The following GLCCI1 variants were observed in gnomAD, a reference collection of about 807,000 sequenced individuals.
The protein encoded by GLCCI1 is glucocorticoid-induced transcript 1 protein.
GLCCI1 carries 24 observed loss-of-function variants against 52.2 expected under a neutral mutation model. The observed-to-expected ratio is 0.46, with a 90% confidence interval of 0.33 to 0.65. The LOEUF (loss-of-function observed/expected upper bound fraction) is 0.65, where lower values mean the gene tolerates loss of function less well. Among genes scored for constraint, GLCCI1 ranks in the 30% least tolerant of loss-of-function variants. The probability of loss-of-function intolerance (pLI) is 0.02; values close to 1 mark genes in which losing one functional copy is unlikely to be tolerated. For synonymous variants in GLCCI1, 310 were observed against 276.5 expected, an observed-to-expected ratio of 1.12 and a Z score of -1.20; for missense variants, 704 against 701.5, an observed-to-expected ratio of 1.00 and a Z score of -0.04.
intron 2 of GLCCI1, among the ~76,000 whole-genome samples, chr7:8,008,427 G>C (rs1781199930): frequency 1.3e-5 from 2 of 151,764 alleles, no homozygotes; most frequent in African/African-American, 4.8e-5. Context: ...CTGGGAATTA[G>C]CTGGGACTAC....
intron 1 of GLCCI1, chr7:7,981,083 T>C (rs771538166): frequency 1.3e-5 from 6 of 470,986 alleles, no homozygotes; most frequent in Non-Finnish European, 2.1e-5. Flanking sequence ...GTGGGAGACC[T>C]ACCTGATGCA....
chr7:8,036,790 A>G (rs1781877626), intron 3 of GLCCI1, among the ~76,000 whole-genome samples: 2 of 152,210 alleles, frequency 1.3e-5, no homozygotes, highest in Admixed American at 1.3e-4. Context: ...AGACTAAACC[A>G]ATGAGAAGAA....
chr7:8,038,305 T>G (rs748976117), intron 3 of GLCCI1, among the ~76,000 whole-genome samples: 1 of 152,108 alleles, frequency 6.6e-6, no homozygotes, highest in Admixed American at 6.5e-5. Flanking sequence ...GCCCAAATGG[T>G]GAAAGCAGTC....
chr7:7,991,686 T>A (rs1372446658), intron 1 of GLCCI1, among the ~76,000 whole-genome samples: 15 of 152,220 alleles, frequency 9.9e-5, no homozygotes, highest in Non-Finnish European at 2.9e-5. Context: ...AAGGAGAAGA[T>A]CTTCCTCAAG....
intron 6 of GLCCI1, among the ~76,000 whole-genome samples, chr7:8,080,867 G>T (rs1377662861): frequency 2.0e-5 from 3 of 147,624 alleles, no homozygotes; most frequent in South Asian, 2.1e-4. Context: ...TGTAGAGAGG[G>T]TTTCCCCATG....
chr7:8,065,354 G>A (rs771253586), intron 5 of GLCCI1, among the ~76,000 whole-genome samples: 4 of 152,160 alleles, frequency 2.6e-5, no homozygotes, highest in African/African-American at 9.7e-5. Context: ...TAAAACCAGG[G>A]ATCATGTGCC....
chr7:8,018,645 A>T (rs1217647386), intron 2 of GLCCI1, among the ~76,000 whole-genome samples: 1 of 152,160 alleles, frequency 6.6e-6, no homozygotes, highest in Non-Finnish European at 1.5e-5. Context: ...GGGAGTGAGA[A>T]TAGAAAAGGA....
At chr7:8,052,511 G>C (rs907698618) in intron 3 of GLCCI1, among the ~76,000 whole-genome samples, 1 of 152,162 alleles carries the variant, frequency 6.6e-6, no homozygotes, top group African/African-American at 2.4e-5. Context: ...ACTGTTCTGT[G>C]GAATCTTGGT....
At chr7:7,970,669 T>G (rs1284286070) in intron 1 of GLCCI1, among the ~76,000 whole-genome samples, 1 of 152,070 alleles carries the variant, frequency 6.6e-6, no homozygotes, top group African/African-American at 2.4e-5. Flanking sequence ...TCCCTTAGTG[T>G]TTTCTGTTTT....
Position 8,086,410 on chromosome 7 carries a change from C to G in GLCCI1, c.1516C>G (p.Leu506Val), listed in dbSNP as rs1180608381. 1.2e-6 allele frequency: 2 copies of G among 1,614,194 alleles called. No individual in the cohort carries two copies. Among genetic ancestry groups the G allele is most frequent in the Non-Finnish European group, 1.7e-6 (2 of 1,180,034 alleles). ...QLSSRVSFTS[L>V]SDDTSTAGSM... ...CTCATCCCGGGTTTCCTTTACGTCT[C>G]TTTCTGATGACACCAGCACAGCGGG... Residue 506 changes from leucine (L) to valine (V), a missense_variant, in exon 8 of 8, where the codon CTT becomes GTT. Transcript: ENST00000223145. This position sits in a 1 kb window ranked among gnomAD's most constrained non-coding sequence, Gnocchi z 4.4.
intron 1 of GLCCI1, among the ~76,000 whole-genome samples, chr7:7,988,278 TTTTTG>T (rs565331454): frequency 8.6e-5 from 13 of 151,798 alleles, no homozygotes; most frequent in South Asian, 4.1e-4. Flanking sequence ...TGAGCAGAGT[TTTTTG>T]TTTTGTTTTG....
intron 4 of GLCCI1, 24 bp downstream of exon 4, chr7:8,055,573 T>C (rs200480749): frequency 1.5e-6 from 2 of 1,334,548 alleles, no homozygotes; most frequent in Admixed American, 3.4e-5. Context: ...TTGTCCAGAT[T>C]TGAATAATTA....
intron 1 of GLCCI1, among the ~76,000 whole-genome samples, chr7:7,993,028 G>A (rs1780872640): frequency 6.6e-6 from 1 of 151,988 alleles, no homozygotes; most frequent in Admixed American, 6.5e-5. Flanking sequence ...AGCTTACTTT[G>A]AAATATTAGG....
At chr7:8,062,824 A>G (rs1026920313) in intron 5 of GLCCI1, among the ~76,000 whole-genome samples, 6 of 152,220 alleles carry the variant, frequency 3.9e-5, no homozygotes, top group African/African-American at 1.2e-4. Context: ...GCTGCATAGT[A>G]TTCCATGGTA....
At chr7:8,017,821 A>C (rs892971638) in intron 2 of GLCCI1, among the ~76,000 whole-genome samples, 3 of 152,062 alleles carry the variant, frequency 2.0e-5, no homozygotes, top group African/African-American at 7.2e-5. Context: ...TCTGGTTACC[A>C]CTCTTCCCAG....
intron 2 of GLCCI1, among the ~76,000 whole-genome samples, chr7:8,010,559 T>G (rs1375988021): frequency 2.6e-5 from 4 of 152,222 alleles, no homozygotes; most frequent in Non-Finnish European, 5.9e-5. Flanking sequence ...TGTTTTTAAT[T>G]CAGCTAAATT....
intron 2 of GLCCI1, among the ~76,000 whole-genome samples, chr7:8,009,453 C>G (rs749334499): frequency 1.3e-5 from 2 of 152,166 alleles, no homozygotes; most frequent in Non-Finnish European, 2.9e-5. Flanking sequence ...CCTACAACTT[C>G]CCAGGTATAG....
At chr7:8,069,182 T>G (rs1782698940) in intron 5 of GLCCI1, among the ~76,000 whole-genome samples, 1 of 152,080 alleles carries the variant, frequency 6.6e-6, no homozygotes, top group South Asian at 2.1e-4. Context: ...TGGCAGTGGC[T>G]ATGGCAGAGG....
chr7:8,019,104 C>T (rs1309413927), intron 2 of GLCCI1, among the ~76,000 whole-genome samples: 1 of 152,110 alleles, frequency 6.6e-6, no homozygotes, highest in Non-Finnish European at 1.5e-5. Flanking sequence ...TTTTGGTAGC[C>T]ATCTTTTGGT....
Sources: gnomAD v4.1 joint callset for allele counts (sites outside exome capture counted in the v4.1 genomes callset) on GRCh38, gnomAD v4.1.1 for gene constraint, Gnocchi (gnomAD v3.1) non-coding constraint, MANE v1.5 for transcripts, NCBI Gene and HGNC (gene_info 2026-07-23, HGNC 2026-07-21) for gene names.